Variants in DNM2 observed in about 807,000 individuals in gnomAD.
DNM2 encodes dynamin-2.
In DNM2, 15 loss-of-function variants were observed where a neutral mutation model predicts 99.0. That is an observed-to-expected ratio of 0.15 (90% CI 0.10 to 0.23). DNM2 has a LOEUF of 0.23. Ranked by LOEUF, DNM2 falls within the 10% of genes least tolerant of loss-of-function variation. The probability of loss-of-function intolerance (pLI) is 1.00; values close to 1 mark genes in which losing one functional copy is unlikely to be tolerated. For missense variants in DNM2, 742 were observed against 1,189.4 expected, an observed-to-expected ratio of 0.62 and a Z score of 5.53; for synonymous variants, 525 against 481.2, an observed-to-expected ratio of 1.09 and a Z score of -1.19.
At chr19:10,801,760 C>T (rs2072151742) in intron 11 of DNM2, among the ~76,000 whole-genome samples, 2 of 151,378 alleles carry the variant, frequency 1.3e-5, no homozygotes, top group Non-Finnish European at 2.9e-5. Flanking sequence ...CAAAAATTAG[C>T]TGGGCGTGGT....
Position 10,743,758 on chromosome 19 carries a change from C to T in DNM2, c.162-15980C>T, listed in dbSNP as rs533195874. Among the ~76,000 whole-genome samples the T allele has an allele frequency of 1.5e-4, 21 of 141,288 alleles. No homozygotes were observed. In the South Asian group the frequency reaches 4.1e-3, roughly 28 times the overall value. 92.7% of individuals were successfully genotyped at this position (141,288 alleles called of 152,430 possible). A position where few individuals can be genotyped will look rare whatever the true frequency, so the allele number is the denominator to read the frequency against. On this transcript the variant is annotated intron_variant, in intron 1 of 20. Transcript: ENST00000389253. ...CCGGGAGGCGGAGCTTGCAGTGAGCCGAGATTGCGCCACTGCACTCCAGCC... is the reference window on the plus strand; with the variant it reads ...CCGGGAGGCGGAGCTTGCAGTGAGCTGAGATTGCGCCACTGCACTCCAGCC...
At chr19:10,783,799 C>T (rs1243747365) in intron 6 of DNM2, among the ~76,000 whole-genome samples, 3 of 151,604 alleles carry the variant, frequency 2.0e-5, no homozygotes, top group Non-Finnish European at 4.4e-5. Context: ...GTCCCAGGTT[C>T]GAGTGATTCT....
In DNM2 at chr19:10,743,809, CAAAAAAAAAAAAA is replaced by C. The variant is rs35999203; in HGVS notation, c.162-15913_162-15901del. On this transcript the variant is annotated intron_variant, in intron 1 of 20. Coordinates refer to ENST00000389253, the MANE Select transcript of DNM2 (RefSeq NM_001005361.3). ...TGGGTGACAAAGCGAGACTCTGTCT[CAAAAAAAAAAAAA>C]AAAAAAAAAAAAAAATTAGCCGTGT... 6.1e-4 allele frequency among the ~76,000 whole-genome samples: 20 copies of C among 32,630 alleles called. 1 individual carries two copies. The highest frequency in any genetic ancestry group is 8.9e-4 in the Non-Finnish European group (18 of 20,126). The allele number at this position is 32,630 out of a possible 152,430, so 21.4% of individuals were successfully genotyped here. A position where few individuals can be genotyped will look rare whatever the true frequency, so the allele number is the denominator to read the frequency against.
At chr19:10,729,139 T>C in intron 1 of DNM2, among the ~76,000 whole-genome samples, 1 of 87,452 alleles carries the variant, frequency 1.1e-5, no homozygotes, top group Non-Finnish European at 2.0e-5. Flanking sequence ...CACTCCAGCC[T>C]GGGCGACAGA....
intron 1 of DNM2, among the ~76,000 whole-genome samples, chr19:10,735,590 T>C (rs2069493929): frequency 6.6e-6 from 1 of 152,018 alleles, no homozygotes; most frequent in Admixed American, 6.6e-5. Flanking sequence ...ATTGGCTCAC[T>C]GCGACCTCCG....
At chr19:10,798,785 G>T (rs562795093) in intron 11 of DNM2, among the ~76,000 whole-genome samples, 1 of 150,502 alleles carries the variant, frequency 6.6e-6, no homozygotes, top group African/African-American at 2.5e-5. Flanking sequence ...GATACAGAGC[G>T]GTTCCGTCAC....
intron 1 of DNM2, among the ~76,000 whole-genome samples, chr19:10,753,535 A>G (rs980870171): frequency 6.6e-6 from 1 of 151,514 alleles, no homozygotes; most frequent in African/African-American, 2.4e-5. Context: ...TAGTACACCA[A>G]AAAGGGAGTT....
chr19:10,777,922 A>G (rs1253847309), intron 5 of DNM2, among the ~76,000 whole-genome samples: 2 of 151,454 alleles, frequency 1.3e-5, no homozygotes, highest in African/African-American at 4.9e-5. Flanking sequence ...AACATTCCCA[A>G]AAGTGTGGAA....
chr19:10,724,570 C>T (rs530756690), intron 1 of DNM2, among the ~76,000 whole-genome samples: 5 of 152,262 alleles, frequency 3.3e-5, no homozygotes, highest in African/African-American at 1.2e-4. Context: ...GAAGAGAATC[C>T]AGTGCAAAGG....
intron 1 of DNM2, among the ~76,000 whole-genome samples, chr19:10,727,619 C>T (rs923298549): frequency 2.7e-5 from 4 of 150,412 alleles, no homozygotes; most frequent in African/African-American, 9.8e-5. Flanking sequence ...ATTCTCCTGC[C>T]TCGGCTTCCC....
At chr19:10,749,237 C>T (rs1408978212) in intron 1 of DNM2, among the ~76,000 whole-genome samples, 2 of 152,162 alleles carry the variant, frequency 1.3e-5, no homozygotes, top group African/African-American at 4.8e-5. Context: ...TGCACGTAGC[C>T]GTCCCCACCC....
intron 1 of DNM2, among the ~76,000 whole-genome samples, chr19:10,720,679 G>C (rs146093398): frequency 7.9e-5 from 12 of 152,066 alleles, no homozygotes; most frequent in African/African-American, 2.9e-4. Flanking sequence ...GCAGTGAGCC[G>C]TGATTGCACC....
At chr19:10,780,569 C>T (rs868683294) in intron 5 of DNM2, among the ~76,000 whole-genome samples, 9 of 152,300 alleles carry the variant, frequency 5.9e-5, no homozygotes, top group African/African-American at 2.2e-4. Flanking sequence ...TGACCTCAGG[C>T]TTCAGAAGCC....
chr19:10,801,605 CAA>C (rs34520425), intron 11 of DNM2, among the ~76,000 whole-genome samples: 25 of 56,586 alleles, frequency 4.4e-4, no homozygotes, highest in Admixed American at 7.7e-4. Context: ...GTTCTTTTCT[CAA>C]AAAAAAAAAA....
At chr19:10,733,844 T>C (rs889143741) in intron 1 of DNM2, among the ~76,000 whole-genome samples, 1 of 150,584 alleles carries the variant, frequency 6.6e-6, no homozygotes, top group African/African-American at 2.4e-5. Flanking sequence ...CCATCTCTAC[T>C]AAAAATACAA....
intron 1 of DNM2, among the ~76,000 whole-genome samples, chr19:10,729,156 C>T (rs1432277548): frequency 1.1e-5 from 1 of 88,064 alleles, no homozygotes; most frequent in Non-Finnish European, 2.3e-5. Flanking sequence ...CAGAGCGAGA[C>T]TCCGTCTCAA....
chr19:10,721,551 G>C (rs974833706), intron 1 of DNM2, among the ~76,000 whole-genome samples: 1 of 152,082 alleles, frequency 6.6e-6, no homozygotes, highest in Non-Finnish European at 1.5e-5. Context: ...CTTTTTTTTG[G>C]GGGGGTGTAA....
intron 16 of DNM2, 93 bp from the exon 17 acceptor site, chr19:10,823,695 G>A: frequency 7.5e-7 from 1 of 1,325,284 alleles, no homozygotes; most frequent in Non-Finnish European, 1.1e-6. Context: ...TTCCTGATCA[G>A]TCAGAAAGAC....
At chr19:10,719,246 G>A (rs1360754273) in intron 1 of DNM2, among the ~76,000 whole-genome samples, 1 of 152,120 alleles carries the variant, frequency 6.6e-6, no homozygotes, top group African/African-American at 2.4e-5. Flanking sequence ...GAGGGTAGAG[G>A]GGAGAACAGA....
Sources: gnomAD v4.1 joint callset for allele counts (sites outside exome capture counted in the v4.1 genomes callset) on GRCh38, gnomAD v4.1.1 for gene constraint, MANE v1.5 for transcripts, NCBI Gene and HGNC (gene_info 2026-07-23, HGNC 2026-07-21) for gene names.